ARHGAP27: variants seen among roughly 807,000 people sequenced by gnomAD.
ARHGAP27 encodes the protein rho GTPase-activating protein 27.
ARHGAP27 carries 53 observed loss-of-function variants against 102.0 expected under a neutral mutation model. The ratio of observed to expected loss-of-function variants is 0.52; its 90% CI spans 0.42 to 0.65. The LOEUF (loss-of-function observed/expected upper bound fraction) is 0.65. Among genes scored for constraint, ARHGAP27 ranks in the 30% least tolerant of loss-of-function variants. The pLI is 0.00. For synonymous variants in ARHGAP27, 525 were observed against 542.8 expected (o/e 0.97, Z 0.46); for missense variants, 1,117 against 1,256.2 (o/e 0.89, Z 1.68).
chr17:45,423,394 G>A (rs2049235970), intron 4 of ARHGAP27, among the ~76,000 whole-genome samples: 1 of 152,012 alleles, frequency 6.6e-6, no homozygotes, highest in African/African-American at 2.4e-5. Context: ...AATTACCATT[G>A]ATGAGAAAAA....
At chr17:45,423,074 A>G (rs1292886332) in intron 4 of ARHGAP27, among the ~76,000 whole-genome samples, 1 of 152,048 alleles carries the variant, frequency 6.6e-6, no homozygotes, top group Non-Finnish European at 1.5e-5. Flanking sequence ...CCAGCTACTC[A>G]GGAGGCTGAG....
chr17:45,401,845 G>C (rs2144370441), intron 12 of ARHGAP27, among the ~76,000 whole-genome samples: 1 of 152,246 alleles, frequency 6.6e-6, no homozygotes, highest in Middle Eastern at 3.4e-3. Flanking sequence ...CACCACCTTA[G>C]CACCCATACA....
In ARHGAP27 at chr17:45,395,504, C is replaced by T; in HGVS notation, c.2622G>A (p.Val874=). 6.3e-7 allele frequency: 1 copy of T among 1,593,382 alleles called. No homozygotes were observed. The highest frequency in any genetic ancestry group is 8.6e-7 in the Non-Finnish European group (1 of 1,169,504). Residue 874 remains valine, a synonymous_variant, in exon 20 of 20, where the codon GTG becomes GTA. Transcript: ENST00000685559. ...CGCACTGCTGCAGGATGAGCTCCAC[C>T]ACCTGGTTCTGGAACACCATGGTCA... is the stretch of plus-strand genomic sequence containing the variant. ...MPMTMVFQNQ[V]VELILQQCAD...
chr17:45,397,083 A>G (rs1159139615), intron 13 of ARHGAP27, 59 bp from the exon 14 acceptor site: 1 of 1,589,678 alleles, frequency 6.3e-7, no homozygotes, highest in Non-Finnish European at 8.5e-7. Context: ...TCCTTCCAGG[A>G]TGGGGCAAGG....
chr17:45,400,495 C>A (rs1159486805), intron 12 of ARHGAP27, among the ~76,000 whole-genome samples: 1 of 152,156 alleles, frequency 6.6e-6, no homozygotes, highest in African/African-American at 2.4e-5. Flanking sequence ...TCCTTGCCAG[C>A]AAAGACAACT....
At chr17:45,405,542 G>T in intron 5 of ARHGAP27, 134 bp downstream of exon 5, 1 of 1,259,098 alleles carries the variant, frequency 7.9e-7, no homozygotes, top group Non-Finnish European at 1.1e-6. Flanking sequence ...AGGAGAAGGG[G>T]TCAAAGGCTC....
At chr17:45,420,571 G>A (rs1478622299) in intron 4 of ARHGAP27, among the ~76,000 whole-genome samples, 1 of 151,946 alleles carries the variant, frequency 6.6e-6, no homozygotes, top group Non-Finnish European at 1.5e-5. Flanking sequence ...ATAAATTCAA[G>A]GCTATTGGCA....
intron 4 of ARHGAP27, among the ~76,000 whole-genome samples, chr17:45,418,773 C>A (rs2048733306): frequency 6.6e-6 from 1 of 152,018 alleles, no homozygotes; most frequent in Admixed American, 6.6e-5. Context: ...GGCAGGCTGG[C>A]CCATCATGGG....
intron 4 of ARHGAP27, among the ~76,000 whole-genome samples, chr17:45,415,016 T>A (rs1171642639): frequency 2.2e-5 from 3 of 135,830 alleles, no homozygotes; most frequent in Non-Finnish European, 4.6e-5. Flanking sequence ...TGAGTAGAGA[T>A]CACACCATTG....
chr17:45,410,457 T>G, intron 4 of ARHGAP27: 1 of 1,349,790 alleles, frequency 7.4e-7, no homozygotes, highest in Non-Finnish European at 9.5e-7. Context: ...AAGTGCTGCC[T>G]GAGTTGGGGC....
In ARHGAP27 at chr17:45,397,944, C is replaced by A. The variant is rs1266053592; in HGVS notation, c.1842+5G>T. ...CTGCCCCTAGAGGCCCTGGGCTCTG[C>A]TTACCAGCTCCTGGATGCCCTGAGC... On this transcript the variant is annotated splice_donor_5th_base_variant and intron_variant, in intron 13 of 19. Transcript: ENST00000685559. 1 of 1,602,886 alleles carries A rather than the reference C, an allele frequency of 6.2e-7. No individual in the cohort carries two copies. Among genetic ancestry groups the A allele is most frequent in the South Asian group, 1.1e-5 (1 of 90,442 alleles).
At position 45,405,706 on chromosome 17, in the gene ARHGAP27, G is replaced by A. The variant is rs564889698; in HGVS notation, c.1035C>T (p.Gly345=). The change falls in exon 5 of 20, where the codon GGC becomes GGT. Residue 345 remains glycine, a synonymous_variant. Coordinates refer to ENST00000685559, the MANE Select transcript of ARHGAP27 (RefSeq NM_001282290.2). The stretch of plus-strand genomic sequence containing the variant: ...GGTCCCCTGGGCTGCCAGGGCTCAG[G>A]CCCGGCTGCATCTCCAACTCCTCCT... ...EPEEELEMQP[G]LSPGSPGDPR... 8 of 1,602,666 alleles carry A rather than the reference G, an allele frequency of 5.0e-6. No individual in the cohort carries two copies. In the South Asian group the frequency reaches 7.7e-5, roughly 15 times the overall value.
intron 12 of ARHGAP27, among the ~76,000 whole-genome samples, chr17:45,402,475 C>G (rs925172977): frequency 2.0e-5 from 3 of 152,218 alleles, no homozygotes; most frequent in Admixed American, 6.5e-5. Context: ...TTCCCAGGTC[C>G]TCCTTCTTGG....
chr17:45,429,797 G>A lies in ARHGAP27; in HGVS notation c.483C>T (p.Ala161=). The change falls in exon 4 of 20, where the codon GCC becomes GCT. Residue 161 remains alanine (A), a synonymous_variant. Coordinates refer to ENST00000685559, the MANE Select transcript of ARHGAP27 (RefSeq NM_001282290.2). Reference sequence around the variant, plus strand: ...CGGCGGGAGGCGAGACGGCGGCGCAGGCCAGGTCGTTCAGGGACTGCGCGG... The same window carrying A: ...CGGCGGGAGGCGAGACGGCGGCGCAAGCCAGGTCGTTCAGGGACTGCGCGG... ...VRPAQSLNDL[A]CAAVSPPAGL... The A allele has an allele frequency of 6.6e-7, 1 of 1,515,970 alleles. No homozygotes were observed. The highest frequency in any genetic ancestry group is 1.2e-5 in the South Asian group (1 of 82,578). The allele number at this position is 1,515,970 out of a possible 1,614,324, so 93.9% of individuals were successfully genotyped here. A position where few individuals can be genotyped will look rare whatever the true frequency, so the allele number is the denominator to read the frequency against.
At chr17:45,429,279 TCATTTG>T in intron 4 of ARHGAP27, 2 of 700,382 alleles carry the variant, frequency 2.9e-6, no homozygotes, top group Non-Finnish European at 4.2e-6. Flanking sequence ...ACCATCGAGC[TCATTTG>T]CATTTCTGCA....
In ARHGAP27 at chr17:45,395,310, C is replaced by T; in HGVS notation, c.*146G>A. The T allele has an allele frequency of 9.3e-7, 1 of 1,076,136 alleles. No individual in the cohort carries two copies. The highest frequency in any genetic ancestry group is 1.3e-6 in the Non-Finnish European group (1 of 770,344). 66.7% of individuals were successfully genotyped at this position (1,076,136 alleles called of 1,614,324 possible). A position where few individuals can be genotyped will look rare whatever the true frequency, so the allele number is the denominator to read the frequency against. ...ACTGCCCACTAGGGGTCACCGTACC[C>T]TCAGAACCGAGGGTGCAGAAGTCAC... On this transcript the variant is annotated 3_prime_UTR_variant, in exon 20 of 20. Coordinates refer to ENST00000685559, the MANE Select transcript of ARHGAP27 (RefSeq NM_001282290.2).
intron 4 of ARHGAP27, among the ~76,000 whole-genome samples, chr17:45,419,002 G>A (rs2048754133): frequency 6.6e-6 from 1 of 152,148 alleles, no homozygotes; most frequent in Admixed American, 6.5e-5. Flanking sequence ...CACCAAGTGG[G>A]TACTCCTGCA....
rs949511581 is a variant in ARHGAP27 at position 45,395,401 on chromosome 17, G to A, written c.*55C>T. The A allele has an allele frequency of 7.9e-6, 12 of 1,512,254 alleles. No homozygotes were observed. Among genetic ancestry groups the A allele is most frequent in the Admixed American group, 6.3e-5 (3 of 47,882 alleles). The allele number at this position is 1,512,254 out of a possible 1,614,324, so 93.7% of individuals were successfully genotyped here. ...AAGAAGGCCCGGCTGCGTGGCCTCC[G>A]CCGCCCAGCTTGTGTGGCAGGACCG... On this transcript the variant is annotated 3_prime_UTR_variant, in exon 20 of 20. Coordinates refer to ENST00000685559, the MANE Select transcript of ARHGAP27 (RefSeq NM_001282290.2).
At chr17:45,400,136 C>G (rs1430301885) in intron 12 of ARHGAP27, among the ~76,000 whole-genome samples, 1 of 152,190 alleles carries the variant, frequency 6.6e-6, no homozygotes, top group Admixed American at 6.5e-5. Flanking sequence ...GCACTCCAGC[C>G]TGGGCAACAC....
Sources: gnomAD v4.1 joint callset for allele counts (sites outside exome capture counted in the v4.1 genomes callset) on GRCh38, gnomAD v4.1.1 for gene constraint, MANE v1.5 for transcripts, NCBI Gene and HGNC (gene_info 2026-07-23, HGNC 2026-07-21) for gene names.